The following CCNJ variants were observed in gnomAD, a reference collection of about 807,000 sequenced individuals.
The protein encoded by CCNJ is cyclin-J.
In CCNJ, 12 loss-of-function variants were observed where a neutral mutation model predicts 41.4. That is an observed-to-expected ratio of 0.29 (90% CI 0.19 to 0.47). CCNJ has a LOEUF of 0.47. Among genes scored for constraint, CCNJ ranks in the 20% least tolerant of loss-of-function variants. CCNJ has a pLI of 1.00. For synonymous variants in CCNJ, 161 were observed against 173.4 expected, an observed-to-expected ratio of 0.93 and a Z score of 0.56; for missense variants, 340 against 464.6, an observed-to-expected ratio of 0.73 and a Z score of 2.47.
chr10:96,053,767 CT>C (rs1356821435), intron 3 of CCNJ, among the ~76,000 whole-genome samples: 7 of 152,116 alleles, frequency 4.6e-5, no homozygotes, highest in African/African-American at 1.7e-4. Context: ...GTTAGCAAAG[CT>C]TTTTACTGAT....
chr10:96,056,807 T>C lies in CCNJ; in HGVS notation c.387T>C (p.His129=). Residue 129 remains histidine, a synonymous_variant, in exon 4 of 6, where the codon CAT becomes CAC. Transcript: ENST00000465148. ...TATTAACAAAACAAAATTTGCTACA[T>C]ATGGAACTATTATTATTAGAAACCT... ...NLVLTKQNLL[H]MELLLLETFQ... The C allele has an allele frequency of 6.2e-7, 1 of 1,614,080 alleles. No homozygotes were observed. Among genetic ancestry groups the C allele is most frequent in the Non-Finnish European group, 8.5e-7 (1 of 1,179,954 alleles).
intron 3 of CCNJ, among the ~76,000 whole-genome samples, chr10:96,051,245 T>A (rs2080513746): frequency 6.6e-6 from 1 of 152,204 alleles, no homozygotes; most frequent in African/African-American, 2.4e-5. Flanking sequence ...TGGCCCCTCT[T>A]TCTCTTTACA....
intron 2 of CCNJ, among the ~76,000 whole-genome samples, chr10:96,045,717 G>C (rs530002152): frequency 6.6e-6 from 1 of 151,226 alleles, no homozygotes; most frequent in Non-Finnish European, 1.5e-5. Context: ...CTTTCAATGT[G>C]AAATGTTTTC....
Position 96,055,809 on chromosome 10 carries a change from T to G in CCNJ, c.281-892T>G, listed in dbSNP as rs994117341. Among the ~76,000 whole-genome samples, 17 of 152,340 alleles carry G rather than the reference T, an allele frequency of 1.1e-4. 1 individual carries two copies. Among genetic ancestry groups the G allele is most frequent in the African/African-American group, 4.1e-4 (17 of 41,574 alleles). On this transcript the variant is annotated intron_variant, in intron 3 of 5. Transcript: ENST00000465148. ...CTATCTCCCCCATGCCCCTTTTTTC[T>G]TTAACAGACTAGATTTTTGTTTTGA... is the stretch of plus-strand genomic sequence containing the variant.
chr10:96,050,415 A>G lies in CCNJ; in HGVS notation c.229A>G (p.Ile77Val). Residue 77 changes from isoleucine (I) to valine (V), a missense_variant, in exon 3 of 6, where the codon ATC (isoleucine) becomes GTC (valine). Transcript: ENST00000465148. ...LLDLFMDRYD[I>V]SIQQLHLVAL... ...GGACCTGTTTATGGACCGCTATGAC[A>G]TCTCTATCCAGCAGCTGCATTTAGT... The G allele has an allele frequency of 6.2e-7, 1 of 1,614,082 alleles. No homozygotes were observed. The highest frequency in any genetic ancestry group is 1.1e-5 in the South Asian group (1 of 91,086).
chr10:96,043,570 C>A (rs1442471351), upstream of CCNJ: 2 of 394,964 alleles, frequency 5.1e-6, no homozygotes, highest in Non-Finnish European at 4.5e-6. Context: ...GCGGAGCCGC[C>A]TGCCGGTCCT....
chr10:96,059,545 G>A lies in CCNJ; in HGVS notation c.*1304G>A, dbSNP rs1286125479. The A allele has an allele frequency of 1.3e-5, 2 of 152,246 alleles. No homozygotes were observed. The highest frequency in any genetic ancestry group is 4.8e-5 in the African/African-American group (2 of 41,418). 9.4% of individuals were successfully genotyped at this position (152,246 alleles called of 1,614,324 possible). On this transcript the variant is annotated 3_prime_UTR_variant, in exon 6 of 6. Transcript: ENST00000465148. ...AGGAATAACCTTAAAAAGTTAAAAA[G>A]TCATTGTAATAACTGATAAACTGTA... is the stretch of plus-strand genomic sequence containing the variant.
At position 96,043,612 on chromosome 10, in the gene CCNJ, T is replaced by C. The variant is rs2080272709; in HGVS notation, c.-149T>C. 2.5e-6 allele frequency: 1 copy of C among 395,146 alleles called. No homozygotes were observed. The highest frequency in any genetic ancestry group is 1.3e-4 in the South Asian group (1 of 7,840). The allele number at this position is 395,146 out of a possible 1,614,324, so 24.5% of individuals were successfully genotyped here. A position where few individuals can be genotyped will look rare whatever the true frequency, so the allele number is the denominator to read the frequency against. ...ATGGGCGGCGCGAGCGTCCAGGCGC[T>C]GGGCTCTAGCTGAGGCCGGCGCTTA... On this transcript the variant is annotated 5_prime_UTR_variant, in exon 1 of 6. Coordinates refer to ENST00000465148, the MANE Select transcript of CCNJ (RefSeq NM_001134375.2).
At position 96,058,155 on chromosome 10, in the gene CCNJ, G is replaced by A. The variant is rs1374310505; in HGVS notation, c.1066G>A (p.Val356Ile). Reference sequence around the variant, plus strand: ...GATGTCACTGGCAATACCAGTAGAAGTTAAGCCCTGTCTGAGTGTTTCTTA... The same window carrying A: ...GATGTCACTGGCAATACCAGTAGAAATTAAGCCCTGTCTGAGTGTTTCTTA... ...VGMSLAIPVE[V>I]KPCLSVSYNR... Residue 356 changes from valine (V) to isoleucine (I), a missense_variant, in exon 6 of 6, where the codon GTT becomes ATT. Coordinates refer to ENST00000465148, the MANE Select transcript of CCNJ (RefSeq NM_001134375.2). 1 of 1,614,168 alleles carries A rather than the reference G, an allele frequency of 6.2e-7. No homozygotes were observed. Among genetic ancestry groups the A allele is most frequent in the South Asian group, 1.1e-5 (1 of 91,092 alleles).
In CCNJ at chr10:96,057,254, C is replaced by CT; in HGVS notation, c.740+12dup. 2 of 1,610,462 alleles carry CT rather than the reference C, an allele frequency of 1.2e-6. No individual in the cohort carries two copies. The highest frequency in any genetic ancestry group is 1.7e-4 in the Middle Eastern group (1 of 6,056). On this transcript the variant is annotated splice_region_variant and intron_variant, in intron 5 of 5. Transcript: ENST00000465148. ...GTATTGAACGACTGTTGATGTAAGC[C>CT]TTTTTATTCTTGTGTTTGTACTTTC...
rs766929917 is a variant in CCNJ, at chr10:96,057,830, C to A, written c.741C>A (p.Ile247=). 6.2e-7 allele frequency: 1 copy of A among 1,611,886 alleles called. No homozygotes were observed. Among genetic ancestry groups the A allele is most frequent in the Non-Finnish European group, 8.5e-7 (1 of 1,178,620 alleles). ...FLVQCIERLL[I]AHDNDVKEAN... Reference sequence around the variant, plus strand: ...AGTTTCCTTTCTCTCCACGTTTCAGCGCTCATGATAATGATGTGAAAGAAG... The same window carrying A: ...AGTTTCCTTTCTCTCCACGTTTCAGAGCTCATGATAATGATGTGAAAGAAG... The change falls in exon 6 of 6, where the codon ATC becomes ATA. Residue 247 remains isoleucine, a splice_region_variant and synonymous_variant. Transcript: ENST00000465148.
intron 5 of CCNJ, 122 bp downstream of exon 5, chr10:96,057,369 T>A: frequency 3.7e-6 from 3 of 801,600 alleles, no homozygotes; most frequent in Non-Finnish European, 6.1e-6. Flanking sequence ...TGGCAGCAGT[T>A]ACTTGCTGCC....
chr10:96,044,557 C>CA (rs1340842616), intron 2 of CCNJ, 95 bp downstream of exon 2: 1 of 968,074 alleles, frequency 1.0e-6, no homozygotes, highest in Non-Finnish European at 1.4e-6. Flanking sequence ...GTTCTTTACT[C>CA]ACTATCTTCC....
At chr10:96,051,822 A>C (rs973417864) in intron 3 of CCNJ, among the ~76,000 whole-genome samples, 2 of 152,134 alleles carry the variant, frequency 1.3e-5, no homozygotes, top group Admixed American at 6.5e-5. Context: ...TTGTCCCCAG[A>C]ATGTCCCTTT....
At chr10:96,047,418 C>CA (rs1320637789) in intron 2 of CCNJ, among the ~76,000 whole-genome samples, 3 of 152,176 alleles carry the variant, frequency 2.0e-5, no homozygotes, top group East Asian at 3.8e-4. Context: ...AGGCTGAAAG[C>CA]AGGTGGATCA....
In CCNJ at chr10:96,056,683, A is replaced by T; in HGVS notation, c.281-18A>T. 3 of 1,559,016 alleles carry T rather than the reference A, an allele frequency of 1.9e-6. No homozygotes were observed. The highest frequency in any genetic ancestry group is 2.6e-6 in the Non-Finnish European group (3 of 1,153,458). On this transcript the variant is annotated intron_variant, in intron 3 of 5. Coordinates refer to ENST00000465148, the MANE Select transcript of CCNJ (RefSeq NM_001134375.2). The stretch of plus-strand genomic sequence containing the variant: ...TGCCTGACATTTTCTCTCCCCTCCC[A>T]TCCCCTTTTCTTATAAGGTAAATTT...
upstream of CCNJ, chr10:96,043,483 C>T (rs967243867): frequency 1.2e-4 from 46 of 387,770 alleles, no homozygotes; most frequent in Non-Finnish European, 1.8e-4. Context: ...AATTGGACGG[C>T]TCGGGGCGAC....
At chr10:96,049,551 A>G (rs1263680165) in intron 2 of CCNJ, among the ~76,000 whole-genome samples, 2 of 114,000 alleles carry the variant, frequency 1.8e-5, no homozygotes, top group South Asian at 2.5e-4. Flanking sequence ...TACTTCTTCT[A>G]TTGTGATACC....
chr10:96,056,582 A>C, intron 3 of CCNJ, 119 bp from the exon 4 acceptor site: 1 of 704,768 alleles, frequency 1.4e-6, no homozygotes, highest in Non-Finnish European at 2.4e-6. Flanking sequence ...TGTGTAAGGT[A>C]AGTACGTCTT....
Sources: allele counts gnomAD v4.1 joint callset (sites outside exome capture counted in the v4.1 genomes callset), GRCh38; gene constraint gnomAD v4.1.1; transcripts MANE v1.5; gene names NCBI Gene and HGNC (gene_info 2026-07-23, HGNC 2026-07-21).